The following NTPCR variants were observed in gnomAD, a reference collection of about 807,000 sequenced individuals.
NTPCR encodes cancer-related nucleoside-triphosphatase.
Under a neutral mutation model 19.5 loss-of-function variants are expected in NTPCR, and 15 were observed. That is an observed-to-expected ratio of 0.77 (90% CI 0.51 to 1.18). NTPCR has a LOEUF of 1.18. Ranked by LOEUF, NTPCR falls within the 50% of genes most tolerant of loss-of-function variation. NTPCR has a pLI of 0.00. For synonymous variants in NTPCR, 90 were observed against 95.8 expected (o/e 0.94, Z 0.36); for missense variants, 206 against 240.4 (o/e 0.86, Z 0.95).
intron 4 of NTPCR, among the ~76,000 whole-genome samples, chr1:232,974,616 C>G (rs1669076231): frequency 6.6e-6 from 1 of 152,144 alleles, no homozygotes; most frequent in Non-Finnish European, 1.5e-5. Flanking sequence ...CTCCTATTAC[C>G]TAGTAAAGCA....
chr1:232,954,954 T>A (rs1668472788), intron 1 of NTPCR, among the ~76,000 whole-genome samples: 1 of 152,130 alleles, frequency 6.6e-6, no homozygotes, highest in South Asian at 2.1e-4. Context: ...GAGAAGATGA[T>A]GTTGGAAGGA....
chr1:232,979,968 G>A lies in NTPCR; in HGVS notation c.*1737G>A, dbSNP rs1409201686. On this transcript the variant is annotated 3_prime_UTR_variant, in exon 5 of 5. Transcript: ENST00000366628. This position sits in a 1 kb window ranked among gnomAD's most constrained non-coding sequence, Gnocchi z 5.3. The stretch of plus-strand genomic sequence containing the variant: ...ACCCCATCAAGATGGAGCCTTTCCT[G>A]GCACCTCCGGGAGGCCGTTTTGCGT... 1 of 152,292 alleles carries A rather than the reference G, an allele frequency of 6.6e-6. No individual in the cohort carries two copies. The highest frequency in any genetic ancestry group is 1.5e-5 in the Non-Finnish European group (1 of 68,116). 9.4% of individuals were successfully genotyped at this position (152,292 alleles called of 1,614,324 possible).
chr1:232,979,262 T>A lies in NTPCR; in HGVS notation c.*1031T>A, dbSNP rs1669227228. On this transcript the variant is annotated 3_prime_UTR_variant, in exon 5 of 5. Coordinates refer to ENST00000366628, the MANE Select transcript of NTPCR (RefSeq NM_032324.3). The surrounding 1 kb of genome is among the most constrained non-coding windows in gnomAD (Gnocchi z 5.3). ...GTTTTTAGGTCATTTTTGGTGAAGA[T>A]CTATGAATTTCCAGGATTTTTTTTT... 6.6e-6 allele frequency: 1 copy of A among 152,074 alleles called. No homozygotes were observed. The highest frequency in any genetic ancestry group is 2.4e-5 in the African/African-American group (1 of 41,364). 9.4% of individuals were successfully genotyped at this position (152,074 alleles called of 1,614,324 possible). A position where few individuals can be genotyped will look rare whatever the true frequency, so the allele number is the denominator to read the frequency against.
chr1:232,967,128 A>G (rs1048497801), intron 3 of NTPCR: 1 of 152,318 alleles, frequency 6.6e-6, no homozygotes, highest in Admixed American at 6.5e-5. Flanking sequence ...ATTTAGAACA[A>G]TGTAAAGGGG....
intron 4 of NTPCR, chr1:232,976,981 A>G (rs1419425043): frequency 6.4e-6 from 1 of 155,770 alleles, no homozygotes; most frequent in Admixed American, 6.3e-5. Context: ...CACTCTTCCA[A>G]GAAGGGTGAG....
intron 3 of NTPCR, chr1:232,966,673 C>T (rs1668825343): frequency 6.6e-6 from 1 of 152,210 alleles, no homozygotes; most frequent in Non-Finnish European, 1.5e-5. Flanking sequence ...TCTCTTATCC[C>T]TGGCTGGTCA....
At chr1:232,976,857 TCA>T (rs565959661) in intron 4 of NTPCR, 64 of 216,276 alleles carry the variant, frequency 3.0e-4, no homozygotes, top group African/African-American at 1.3e-3. Context: ...GGTGCAGATC[TCA>T]GTCACTCCTC....
rs946688411 is a variant in NTPCR, at chr1:232,978,948, C to A, written c.*717C>A. ...TACTCGGGAGCAATTTTGAATCTTT[C>A]TATGCCTAGTTTCCCTTCCAGAAAA... On this transcript the variant is annotated 3_prime_UTR_variant, in exon 5 of 5. Transcript: ENST00000366628. The A allele has an allele frequency of 1.3e-5, 2 of 152,156 alleles. No individual in the cohort carries two copies. Among genetic ancestry groups the A allele is most frequent in the African/African-American group, 4.8e-5 (2 of 41,426 alleles). 9.4% of individuals were successfully genotyped at this position (152,156 alleles called of 1,614,324 possible). A position where few individuals can be genotyped will look rare whatever the true frequency, so the allele number is the denominator to read the frequency against.
chr1:232,952,506 T>C lies in NTPCR; in HGVS notation c.34+1762T>C, dbSNP rs1290097029. The stretch of plus-strand genomic sequence containing the variant: ...TTATAAGTGTGAGCCACCTTACCCA[T>C]CTTTTTTTTCCCTCTTCTTATTGAG... On this transcript the variant is annotated intron_variant, in intron 1 of 4. Coordinates refer to ENST00000366628, the MANE Select transcript of NTPCR (RefSeq NM_032324.3). Among the ~76,000 whole-genome samples the C allele has an allele frequency of 2.6e-5, 4 of 151,726 alleles. No homozygotes were observed. In the East Asian group the frequency reaches 5.9e-4, roughly 22 times the overall value.
rs1205393378 is a variant in NTPCR, at chr1:232,978,799, A to G, written c.*568A>G. 2 of 152,358 alleles carry G rather than the reference A, an allele frequency of 1.3e-5. No individual in the cohort carries two copies. The highest frequency in any genetic ancestry group is 2.9e-5 in the Non-Finnish European group (2 of 68,120). The allele number at this position is 152,358 out of a possible 1,614,324, so 9.4% of individuals were successfully genotyped here. On this transcript the variant is annotated 3_prime_UTR_variant, in exon 5 of 5. Transcript: ENST00000366628. ...AAAAATAAATCTGATGGTTACAGAC[A>G]GGAGGCATTGTGTGGGAGGAATACA...
chr1:232,982,608 T>TGA lies in NTPCR; in HGVS notation c.*4377_*4378insGA, dbSNP rs1300346454. ...GGATGGAGGAGCACCCAGGGTGCTC[T>TGA]TGCTCTCTTGCCTGCGCTGCCATTT... On this transcript the variant is annotated 3_prime_UTR_variant, in exon 5 of 5. Coordinates refer to ENST00000366628, the MANE Select transcript of NTPCR (RefSeq NM_032324.3). 6.6e-6 allele frequency: 1 copy of TGA among 152,272 alleles called. No individual in the cohort carries two copies. Among genetic ancestry groups the TGA allele is most frequent in the Non-Finnish European group, 1.5e-5 (1 of 68,060 alleles). The allele number at this position is 152,272 out of a possible 1,614,324, so 9.4% of individuals were successfully genotyped here.
intron 3 of NTPCR, chr1:232,963,869 T>TTTGTGTG (rs1668738389): frequency 2.9e-5 from 4 of 140,180 alleles, no homozygotes; most frequent in African/African-American, 1.0e-4. Flanking sequence ...GTGTGTGTGT[T>TTTGTGTG]TGTGTGTGTG....
chr1:232,971,446 GCCA>G (rs1668975606), intron 4 of NTPCR, among the ~76,000 whole-genome samples: 1 of 152,130 alleles, frequency 6.6e-6, no homozygotes, highest in Admixed American at 6.6e-5. Flanking sequence ...TCCACATGTT[GCCA>G]CCAAGAATCC....
At position 232,950,665 on chromosome 1, in the gene NTPCR, A is replaced by G; in HGVS notation, c.-46A>G. The G allele has an allele frequency of 6.4e-7, 1 of 1,551,174 alleles. No individual in the cohort carries two copies. The highest frequency in any genetic ancestry group is 8.9e-7 in the Non-Finnish European group (1 of 1,124,542). On this transcript the variant is annotated 5_prime_UTR_variant, in exon 1 of 5. Coordinates refer to ENST00000366628, the MANE Select transcript of NTPCR (RefSeq NM_032324.3). Reference sequence around the variant, plus strand: ...GGACCTGACCTGAATTGCGACCCCAACCTGGACTGCTCCCCTGACCGCAAC... The same window carrying G: ...GGACCTGACCTGAATTGCGACCCCAGCCTGGACTGCTCCCCTGACCGCAAC...
At chr1:232,976,402 C>G in intron 4 of NTPCR, 1 of 1,550,580 alleles carries the variant, frequency 6.4e-7, no homozygotes, top group Admixed American at 2.0e-5. Flanking sequence ...ACAGTCCACT[C>G]TCACAGAGCC....
intron 4 of NTPCR, among the ~76,000 whole-genome samples, chr1:232,974,953 A>G (rs1239327088): frequency 6.6e-6 from 1 of 152,202 alleles, no homozygotes; most frequent in Non-Finnish European, 1.5e-5. Context: ...TGGGTTCTTC[A>G]ATAATTTGTT....
At position 232,950,614 on chromosome 1, in the gene NTPCR, CG is replaced by C. The variant is rs1668329484; in HGVS notation, c.-94del. Reference sequence around the variant, plus strand: ...GGCGGGGCCTGCGACACGCGGTGGGCGGGTCCTGAGTCGCGACCCTGGTCCG... The same window carrying C: ...GGCGGGGCCTGCGACACGCGGTGGGCGGTCCTGAGTCGCGACCCTGGTCCG... On this transcript the variant is annotated 5_prime_UTR_variant, in exon 1 of 5. Coordinates refer to ENST00000366628, the MANE Select transcript of NTPCR (RefSeq NM_032324.3). 1 of 965,104 alleles carries C rather than the reference CG, an allele frequency of 1.0e-6. No individual in the cohort carries two copies. Among genetic ancestry groups the C allele is most frequent in the East Asian group, 2.6e-5 (1 of 38,240 alleles). The allele number at this position is 965,104 out of a possible 1,614,324, so 59.8% of individuals were successfully genotyped here.
chr1:232,977,885 A>C (rs2102762491), intron 4 of NTPCR, among the ~76,000 whole-genome samples: 1 of 151,786 alleles, frequency 6.6e-6, no homozygotes. Flanking sequence ...GCCTCGTCGG[A>C]CTCACTTCAC....
intron 3 of NTPCR, among the ~76,000 whole-genome samples, chr1:232,959,677 T>C (rs1233108844): frequency 6.6e-6 from 1 of 152,174 alleles, no homozygotes; most frequent in Non-Finnish European, 1.5e-5. Flanking sequence ...CTGGAAGTGT[T>C]AGAAACCCTT....
Sources: allele counts gnomAD v4.1 joint callset (sites outside exome capture counted in the v4.1 genomes callset), GRCh38; gene constraint gnomAD v4.1.1; non-coding constraint Gnocchi (gnomAD v3.1); transcripts MANE v1.5; gene names NCBI Gene and HGNC (gene_info 2026-07-23, HGNC 2026-07-21).